Variants in CCL28 observed in about 807,000 individuals in gnomAD.
The protein encoded by CCL28 is C-C motif chemokine 28.
In CCL28, 4 loss-of-function variants were observed where a neutral mutation model predicts 7.1. The ratio of observed to expected loss-of-function variants is 0.56; its 90% CI spans 0.28 to 1.29. The LOEUF is 1.29. CCL28 is among the 50% of genes most tolerant of loss of function. The pLI is 0.11. For missense variants in CCL28, 151 were observed against 163.4 expected, an observed-to-expected ratio of 0.92 and a Z score of 0.41; for synonymous variants, 55 against 57.8, an observed-to-expected ratio of 0.95 and a Z score of 0.22.
chr5:43,385,044 C>T (rs1042429871), intron 2 of CCL28, among the ~76,000 whole-genome samples: 1 of 152,120 alleles, frequency 6.6e-6, no homozygotes, highest in Admixed American at 6.5e-5. Flanking sequence ...CTACAGGTGC[C>T]TGCCACCATG....
chr5:43,365,797 A>G, the CCL28 span, among the ~76,000 whole-genome samples: 1 of 152,206 alleles, frequency 6.6e-6, no homozygotes, highest in African/African-American at 2.4e-5. Flanking sequence ...AGGTACACCA[A>G]TCAAACATAG....
At chr5:43,398,496 C>T (rs1401290673) in intron 1 of CCL28, among the ~76,000 whole-genome samples, 1 of 152,154 alleles carries the variant, frequency 6.6e-6, no homozygotes, top group African/African-American at 2.4e-5. Flanking sequence ...TAACACTTAC[C>T]CATTCCTTCC....
downstream of CCL28, among the ~76,000 whole-genome samples, chr5:43,375,713 C>T (rs920999151): frequency 6.6e-6 from 1 of 152,092 alleles, no homozygotes; most frequent in African/African-American, 2.4e-5. Flanking sequence ...AACTTGGGGC[C>T]GGGGATGGTG....
downstream of CCL28, chr5:43,377,293 C>T (rs1007158018): frequency 1.3e-5 from 2 of 151,944 alleles, no homozygotes; most frequent in Non-Finnish European, 2.9e-5. Context: ...AAGTTTGAGA[C>T]CAGCCCAGCC....
the CCL28 span, among the ~76,000 whole-genome samples, chr5:43,362,890 G>C: frequency 2.6e-5 from 4 of 152,134 alleles, no homozygotes; most frequent in African/African-American, 9.7e-5. Flanking sequence ...ATTTGTTCAG[G>C]CATGTCCTTT....
chr5:43,381,674 A>T lies in CCL28; in HGVS notation c.*186T>A. 1 of 557,378 alleles carries T rather than the reference A, an allele frequency of 1.8e-6. No homozygotes were observed. Among genetic ancestry groups the T allele is most frequent in the Non-Finnish European group, 3.2e-6 (1 of 315,618 alleles). 34.5% of individuals were successfully genotyped at this position (557,378 alleles called of 1,614,324 possible). ...CATACCCAGCCAGTATTATCTTTTC[A>T]TTTCATTTTCCAGTTGAGTATATTA... is the stretch of plus-strand genomic sequence containing the variant. On this transcript the variant is annotated 3_prime_UTR_variant, in exon 3 of 3. Coordinates refer to ENST00000361115, the MANE Select transcript of CCL28 (RefSeq NM_148672.3).
downstream of CCL28, chr5:43,377,416 C>T (rs912155527): frequency 1.4e-5 from 2 of 146,786 alleles, no homozygotes; most frequent in Non-Finnish European, 3.0e-5. Flanking sequence ...CCCTTGAACC[C>T]GTGAGGCAAA....
At chr5:43,367,880 C>T in the CCL28 span, among the ~76,000 whole-genome samples, 1 of 152,196 alleles carries the variant, frequency 6.6e-6, no homozygotes, top group Non-Finnish European at 1.5e-5. Context: ...ACTTTGTTAG[C>T]CCATAAAGTC....
In CCL28 at chr5:43,386,136, C is replaced by T. The variant is rs190942428; in HGVS notation, c.191+2214G>A. On this transcript the variant is annotated intron_variant, in intron 2 of 2. Transcript: ENST00000361115. ...GTTGAAAATTTGGAGTTTCTCAGAG[C>T]AACTGGAGCAGGTTCAGACAGATTT... is the stretch of plus-strand genomic sequence containing the variant. Among the ~76,000 whole-genome samples the T allele has an allele frequency of 2.6e-5, 4 of 152,294 alleles. No homozygotes were observed. The East Asian group carries it at 7.7e-4, about 29-fold the overall frequency.
downstream of CCL28, among the ~76,000 whole-genome samples, chr5:43,377,894 G>A (rs966319529): frequency 2.7e-5 from 4 of 149,260 alleles, no homozygotes; most frequent in Non-Finnish European, 4.5e-5. Context: ...CACTACGCCC[G>A]GCTAATTTTT....
rs1208639575 is a variant in CCL28 at position 43,379,374 on chromosome 5, C to A, written c.*2486G>T. Reference sequence around the variant, plus strand: ...TGGTTTATTAATATTTTAAGTTACTCTCATATTATATTTTATTAATTTTTT... The same window carrying A: ...TGGTTTATTAATATTTTAAGTTACTATCATATTATATTTTATTAATTTTTT... On this transcript the variant is annotated 3_prime_UTR_variant, in exon 3 of 3. Coordinates refer to ENST00000361115, the MANE Select transcript of CCL28 (RefSeq NM_148672.3). The A allele has an allele frequency of 6.6e-6, 1 of 152,044 alleles. No homozygotes were observed. The highest frequency in any genetic ancestry group is 1.5e-5 in the Non-Finnish European group (1 of 68,020). 9.4% of individuals were successfully genotyped at this position (152,044 alleles called of 1,614,324 possible). A position where few individuals can be genotyped will look rare whatever the true frequency, so the allele number is the denominator to read the frequency against.
intron 1 of CCL28, chr5:43,397,144 G>A (rs1579740352): frequency 6.6e-6 from 1 of 152,376 alleles, no homozygotes. Flanking sequence ...GGGTAGGTAG[G>A]GTGGAGTCCC....
chr5:43,411,711 C>T (rs1164567232), intron 1 of CCL28, among the ~76,000 whole-genome samples: 1 of 152,212 alleles, frequency 6.6e-6, no homozygotes, highest in Non-Finnish European at 1.5e-5. Flanking sequence ...GGAATACAGG[C>T]ATGCACCACT....
intron 2 of CCL28, chr5:43,388,089 G>T (rs1247983716): frequency 1.8e-5 from 6 of 333,328 alleles, no homozygotes; most frequent in Admixed American, 9.3e-5. Context: ...TGGTGACTGG[G>T]GGAATTTAGT....
At chr5:43,385,407 T>C (rs971989417) in intron 2 of CCL28, among the ~76,000 whole-genome samples, 2 of 152,234 alleles carry the variant, frequency 1.3e-5, no homozygotes, top group Non-Finnish European at 2.9e-5. Flanking sequence ...TATTAATTAA[T>C]TGTTATTAGT....
At chr5:43,376,040 A>C (rs146706079), downstream of CCL28, among the ~76,000 whole-genome samples, 303 of 152,326 alleles carry the variant, frequency 2.0e-3, no homozygotes, top group African/African-American at 7.0e-3. Context: ...TGTCTCAAAA[A>C]ATTGAAAGGG....
chr5:43,407,460 A>T, intron 1 of CCL28, among the ~76,000 whole-genome samples: 1 of 152,238 alleles, frequency 6.6e-6, no homozygotes, highest in Non-Finnish European at 1.5e-5. Context: ...CTGAAACTGG[A>T]TCCCTTCCTT....
rs1740063776 is a variant in CCL28, at chr5:43,380,446, A to C, written c.*1414T>G. 1 of 152,248 alleles carries C rather than the reference A, an allele frequency of 6.6e-6. No individual in the cohort carries two copies. The highest frequency in any genetic ancestry group is 1.5e-5 in the Non-Finnish European group (1 of 68,042). 9.4% of individuals were successfully genotyped at this position (152,248 alleles called of 1,614,324 possible). ...ATTTATGAACTCTAAATGACAAAAT[A>C]AGTACACGAATTCACGTAGGAAATT... On this transcript the variant is annotated 3_prime_UTR_variant, in exon 3 of 3. Transcript: ENST00000361115.
At chr5:43,395,697 C>T (rs906826124) in intron 1 of CCL28, among the ~76,000 whole-genome samples, 1 of 151,870 alleles carries the variant, frequency 6.6e-6, no homozygotes, top group Non-Finnish European at 1.5e-5. Flanking sequence ...AGGGCCAGTC[C>T]GCAGTGCAAA....
Sources: gnomAD v4.1 joint callset for allele counts (sites outside exome capture counted in the v4.1 genomes callset) on GRCh38, gnomAD v4.1.1 for gene constraint, MANE v1.5 for transcripts, NCBI Gene and HGNC (gene_info 2026-07-23, HGNC 2026-07-21) for gene names.